Variants in KDM2A observed in about 807,000 individuals in gnomAD.
KDM2A encodes the protein lysine demethylase 2A, also known as lysine-specific demethylase 2A.
Under a neutral mutation model 137.3 loss-of-function variants are expected in KDM2A, and 3 were observed. The observed-to-expected ratio is 0.02, with a 90% CI of 0.01 to 0.06. The LOEUF (loss-of-function observed/expected upper bound fraction) is 0.06, where lower values mean the gene tolerates loss of function less well. Ranked by LOEUF, KDM2A falls within the 10% of genes least tolerant of loss-of-function variation. The pLI is 1.00. For synonymous variants in KDM2A, 512 were observed against 541.5 expected (o/e 0.95, Z 0.76); for missense variants, 738 against 1,510.6 (o/e 0.49, Z 8.48).
intron 2 of KDM2A, among the ~76,000 whole-genome samples, chr11:67,135,700 G>A (rs1855957781): frequency 6.6e-6 from 1 of 152,140 alleles, no homozygotes; most frequent in South Asian, 2.1e-4. Context: ...TGTCTCTTGT[G>A]TCTTTTTGTC....
chr11:67,174,563 C>G (rs1856940626), intron 2 of KDM2A, among the ~76,000 whole-genome samples: 1 of 152,190 alleles, frequency 6.6e-6, no homozygotes, highest in East Asian at 1.9e-4. Context: ...TGCTCACCAC[C>G]TAGGAGAGTG....
At position 67,255,326 on chromosome 11, in the gene KDM2A, C is replaced by G; in HGVS notation, c.*271C>G. The G allele has an allele frequency of 2.0e-6, 1 of 502,558 alleles. No individual in the cohort carries two copies. Among genetic ancestry groups the G allele is most frequent in the Non-Finnish European group, 3.7e-6 (1 of 271,310 alleles). The allele number at this position is 502,558 out of a possible 1,614,324, so 31.1% of individuals were successfully genotyped here. ...TGCTGTCGAGGCGCCTGCTCGCTTA[C>G]TCGCCTGCCAGGAGGCCGGGCTCTC... On this transcript the variant is annotated 3_prime_UTR_variant, in exon 21 of 21. Transcript: ENST00000529006.
intron 10 of KDM2A, among the ~76,000 whole-genome samples, chr11:67,223,599 G>A (rs1185495582): frequency 6.6e-6 from 1 of 151,916 alleles, no homozygotes; most frequent in East Asian, 1.9e-4. Flanking sequence ...TTGTAGAAAC[G>A]AGGTTTTACT....
chr11:67,185,268 T>C (rs1241690060), intron 5 of KDM2A, among the ~76,000 whole-genome samples: 1 of 152,052 alleles, frequency 6.6e-6, no homozygotes. Flanking sequence ...GATAGGACAA[T>C]GGAGATTATT....
At chr11:67,221,479 G>A (rs1242226177) in intron 10 of KDM2A, among the ~76,000 whole-genome samples, 1 of 152,122 alleles carries the variant, frequency 6.6e-6, no homozygotes, top group East Asian at 1.9e-4. Flanking sequence ...ACTGACCTAT[G>A]TACTGCAATA....
At chr11:67,156,917 A>G (rs1856528007) in intron 2 of KDM2A, among the ~76,000 whole-genome samples, 1 of 151,764 alleles carries the variant, frequency 6.6e-6, no homozygotes, top group African/African-American at 2.4e-5. Flanking sequence ...TAGGAGCTTC[A>G]GTGCCCACAA....
chr11:67,151,877 T>G (rs1856399178), intron 2 of KDM2A, among the ~76,000 whole-genome samples: 2 of 152,168 alleles, frequency 1.3e-5, no homozygotes, highest in South Asian at 4.1e-4. Context: ...CCTGCGTAGC[T>G]AGGACTATAG....
In KDM2A at chr11:67,184,158, C is replaced by G. The variant is rs374824676; in HGVS notation, c.307+2266C>G. ...TTGTTGCATCTTCTCCTAATTGTTG[C>G]AGGCCTCTTCCCCTCAGCTGAACTG... On this transcript the variant is annotated intron_variant, in intron 5 of 20. Transcript: ENST00000529006. Among the ~76,000 whole-genome samples the G allele has an allele frequency of 1.9e-4, 28 of 150,286 alleles. 1 individual carries two copies. In the East Asian group the frequency reaches 5.3e-3, roughly 29 times the overall value.
rs566087402 is a variant in KDM2A, at chr11:67,133,350, C to T, written c.42+11992C>T. 2.0e-5 allele frequency among the ~76,000 whole-genome samples: 3 copies of T among 152,172 alleles called. No homozygotes were observed. In the East Asian group the frequency reaches 5.8e-4, roughly 29 times the overall value. ...CTCCTGACCTCAAGTGATCCACCCG[C>T]CTTGGCCTCCCAAAGGGCTGGGATT... On this transcript the variant is annotated intron_variant, in intron 2 of 20. Coordinates refer to ENST00000529006, the MANE Select transcript of KDM2A (RefSeq NM_012308.3).
chr11:67,134,843 G>A (rs918650476), intron 2 of KDM2A, among the ~76,000 whole-genome samples: 3 of 152,084 alleles, frequency 2.0e-5, no homozygotes, highest in Non-Finnish European at 4.4e-5. Flanking sequence ...CATCTCAAAA[G>A]CAGTCTCACA....
chr11:67,170,779 C>T (rs1246823871), intron 2 of KDM2A, among the ~76,000 whole-genome samples: 1 of 152,134 alleles, frequency 6.6e-6, no homozygotes, highest in African/African-American at 2.4e-5. Flanking sequence ...CACCTTCTCT[C>T]TCTCTGCCAG....
chr11:67,237,906 C>T (rs1341311668), intron 12 of KDM2A, among the ~76,000 whole-genome samples: 1 of 150,360 alleles, frequency 6.7e-6, no homozygotes, highest in Non-Finnish European at 1.5e-5. Context: ...GGCAACAAAG[C>T]GAGACCCTGT....
At chr11:67,159,641 A>C (rs1215293821) in intron 2 of KDM2A, among the ~76,000 whole-genome samples, 1 of 152,190 alleles carries the variant, frequency 6.6e-6, no homozygotes, top group Non-Finnish European at 1.5e-5. Flanking sequence ...CAACTAGTAA[A>C]TAATCTGTGG....
At chr11:67,128,009 C>CA (rs1855768334) in intron 2 of KDM2A, among the ~76,000 whole-genome samples, 2 of 107,886 alleles carry the variant, frequency 1.9e-5, no homozygotes, top group African/African-American at 7.2e-5. Context: ...CACACCCGGC[C>CA]TTTTTTTTTT....
intron 5 of KDM2A, among the ~76,000 whole-genome samples, chr11:67,197,362 G>C (rs996020366): frequency 6.6e-6 from 1 of 152,020 alleles, no homozygotes; most frequent in Non-Finnish European, 1.5e-5. Context: ...TTTTTGTAGA[G>C]ATGGGATTTT....
intron 5 of KDM2A, among the ~76,000 whole-genome samples, chr11:67,182,646 C>T (rs1197388159): frequency 1.3e-5 from 2 of 151,974 alleles, no homozygotes; most frequent in Non-Finnish European, 1.5e-5. Flanking sequence ...AGTTCTCCCA[C>T]CTCAGCCTCC....
intron 2 of KDM2A, among the ~76,000 whole-genome samples, chr11:67,137,871 C>T (rs1856002659): frequency 6.6e-6 from 1 of 152,032 alleles, no homozygotes; most frequent in Non-Finnish European, 1.5e-5. Context: ...GATCTCGGCT[C>T]ACTGCAACCT....
At chr11:67,137,547 G>A (rs1258233088) in intron 2 of KDM2A, among the ~76,000 whole-genome samples, 1 of 152,096 alleles carries the variant, frequency 6.6e-6, no homozygotes, top group African/African-American at 2.4e-5. Flanking sequence ...TGTTTTGAGG[G>A]TCAGTGTAAA....
intron 2 of KDM2A, among the ~76,000 whole-genome samples, chr11:67,152,657 A>G (rs766133883): frequency 2.6e-5 from 4 of 151,940 alleles, no homozygotes; most frequent in Admixed American, 6.6e-5. Context: ...TTTAAATTAC[A>G]TATGTAGCTT....
Sources: allele counts gnomAD v4.1 joint callset (sites outside exome capture counted in the v4.1 genomes callset), GRCh38; gene constraint gnomAD v4.1.1; transcripts MANE v1.5; gene names NCBI Gene and HGNC (gene_info 2026-07-23, HGNC 2026-07-21).